Variants in ADAMTS9 observed in about 807,000 individuals in gnomAD.
ADAMTS9 encodes A disintegrin and metalloproteinase with thrombospondin motifs 9.
Under a neutral mutation model 257.1 loss-of-function variants are expected in ADAMTS9, and 107 were observed. The ratio of observed to expected loss-of-function variants is 0.42; its 90% CI spans 0.36 to 0.49. The LOEUF is 0.49. Among genes scored for constraint, ADAMTS9 ranks in the 20% least tolerant of loss-of-function variants. The pLI is 0.03. For missense variants in ADAMTS9, 2,353 were observed against 2,469.1 expected, an observed-to-expected ratio of 0.95 and a Z score of 1.00; for synonymous variants, 982 against 880.9, an observed-to-expected ratio of 1.11 and a Z score of -2.03.
intron 12 of ADAMTS9, among the ~76,000 whole-genome samples, chr3:64,639,615 A>T (rs956837559): frequency 2.0e-5 from 3 of 152,182 alleles, no homozygotes; most frequent in Non-Finnish European, 2.9e-5. Context: ...TGAGTCAAAA[A>T]TGTTTAAAGT....
At chr3:64,556,552 G>T (rs1238993933) in intron 30 of ADAMTS9, among the ~76,000 whole-genome samples, 2 of 152,090 alleles carry the variant, frequency 1.3e-5, no homozygotes, top group Admixed American at 1.3e-4. Context: ...AAACTCTGGG[G>T]CTCAATGATC....
intron 3 of ADAMTS9, among the ~76,000 whole-genome samples, chr3:64,659,714 ATAAAT>A (rs1014767396): frequency 4.7e-4 from 71 of 152,200 alleles, no homozygotes; most frequent in Admixed American, 3.3e-4. Flanking sequence ...AGTTAAGGAA[ATAAAT>A]TAAACTCCGA....
At chr3:64,676,686 G>T (rs553883352) in intron 3 of ADAMTS9, among the ~76,000 whole-genome samples, 1 of 152,112 alleles carries the variant, frequency 6.6e-6, no homozygotes, top group African/African-American at 2.4e-5. Flanking sequence ...TCCTCCCAAA[G>T]GGCACTTAGG....
In ADAMTS9 at chr3:64,541,176, G is replaced by C; in HGVS notation, c.5440C>G (p.Gln1814Glu). The change falls in exon 36 of 40, where the codon CAA becomes GAA. Residue 1814 changes from glutamine to glutamate, a missense_variant. Physicochemically the swap from Gln to Glu is conservative, Grantham distance 29. Coordinates refer to ENST00000498707, the MANE Select transcript of ADAMTS9 (RefSeq NM_182920.2). The stretch of plus-strand genomic sequence containing the variant: ...GCGGCCGTGTAATCCTTCCGACATT[G>C]GCAGTCATCGCGCCGGCTCCCGTTA... ...PYNGSRRDDC[Q>E]CRKDYTAAGF... The C allele has an allele frequency of 6.2e-7, 1 of 1,614,174 alleles. No individual in the cohort carries two copies. Among genetic ancestry groups the C allele is most frequent in the Non-Finnish European group, 8.5e-7 (1 of 1,180,020 alleles).
intron 12 of ADAMTS9, among the ~76,000 whole-genome samples, chr3:64,636,504 T>A (rs1038958582): frequency 2.6e-5 from 4 of 152,214 alleles, no homozygotes; most frequent in Non-Finnish European, 4.4e-5. Flanking sequence ...ACTAGATTAA[T>A]ACATTCAAAG....
intron 28 of ADAMTS9, among the ~76,000 whole-genome samples, chr3:64,578,092 C>T (rs60631298): frequency 0.034 from 5,134 of 152,220 alleles, 275 homozygotes; most frequent in East Asian, 0.25. Context: ...GATTTGCATA[C>T]GTGTCTGAGC....
chr3:64,601,315 CTG>C (rs908867499), intron 26 of ADAMTS9, among the ~76,000 whole-genome samples: 1 of 152,130 alleles, frequency 6.6e-6, no homozygotes, highest in Non-Finnish European at 1.5e-5. Context: ...GATAAGAAAA[CTG>C]AGGCTCAAAG....
intron 38 of ADAMTS9, among the ~76,000 whole-genome samples, chr3:64,527,658 T>G (rs986565294): frequency 6.6e-6 from 1 of 151,334 alleles, no homozygotes; most frequent in Non-Finnish European, 1.5e-5. Flanking sequence ...GCATATAGGG[T>G]TTTTTTTTCT....
rs144490037 is a variant in ADAMTS9 at position 64,555,963 on chromosome 3, T to C, written c.4699-4901A>G. Reference sequence around the variant, plus strand: ...ACGCTGGTTGAATAAATTAATAAAATGAGCAATAAAGAGTTCGTATCTGGC... The same window carrying C: ...ACGCTGGTTGAATAAATTAATAAAACGAGCAATAAAGAGTTCGTATCTGGC... On this transcript the variant is annotated intron_variant, in intron 30 of 39. Coordinates refer to ENST00000498707, the MANE Select transcript of ADAMTS9 (RefSeq NM_182920.2). Among the ~76,000 whole-genome samples, 1,067 of 152,302 alleles carry C rather than the reference T, an allele frequency of 7.0e-3. 11 individuals carry two copies. Among genetic ancestry groups the C allele is most frequent in the African/African-American group, 0.024 (992 of 41,558 alleles).
At chr3:64,627,519 G>C (rs1364287300) in intron 16 of ADAMTS9, among the ~76,000 whole-genome samples, 1 of 152,120 alleles carries the variant, frequency 6.6e-6, no homozygotes, top group Non-Finnish European at 1.5e-5. Context: ...AAAGAGATAC[G>C]AACATGGTGG....
chr3:64,573,903 C>T (rs1364846875), intron 28 of ADAMTS9, among the ~76,000 whole-genome samples: 1 of 152,154 alleles, frequency 6.6e-6, no homozygotes, highest in Non-Finnish European at 1.5e-5. Flanking sequence ...TCAAACATTG[C>T]TCAGTGGAAG....
intron 26 of ADAMTS9, among the ~76,000 whole-genome samples, chr3:64,600,733 G>T (rs535224137): frequency 1.3e-5 from 2 of 152,316 alleles, no homozygotes; most frequent in East Asian, 3.9e-4. Context: ...GATAGCGAGG[G>T]TCTTGGGCAA....
Position 64,545,547 on chromosome 3 carries a change from G to A in ADAMTS9, c.5064+1211C>T, listed in dbSNP as rs371125006. ...ACTGCATGTTCTCACTCATAGGTGG[G>A]AACTGAACAATGAGAACACTTGGAC... On this transcript the variant is annotated intron_variant, in intron 32 of 39. Transcript: ENST00000498707. 7.2e-5 allele frequency among the ~76,000 whole-genome samples: 11 copies of A among 152,186 alleles called. No individual in the cohort carries two copies. In the South Asian group the frequency reaches 1.0e-3, roughly 14 times the overall value.
chr3:64,577,935 C>G (rs903528973), intron 28 of ADAMTS9, among the ~76,000 whole-genome samples: 4 of 152,218 alleles, frequency 2.6e-5, no homozygotes, highest in African/African-American at 4.8e-5. Context: ...CTGTCTGGCC[C>G]TTCTTCTGTA....
At chr3:64,613,583 G>C (rs2084707355) in intron 21 of ADAMTS9, 74 bp from the exon 22 acceptor site, 2 of 1,455,904 alleles carry the variant, frequency 1.4e-6, no homozygotes, top group Non-Finnish European at 1.9e-6. Flanking sequence ...ATTTATTGAT[G>C]AGTAGGAACA....
At chr3:64,537,535 C>A (rs2083066260) in intron 37 of ADAMTS9, among the ~76,000 whole-genome samples, 1 of 152,148 alleles carries the variant, frequency 6.6e-6, no homozygotes. Context: ...GCTTCCTCTC[C>A]ACTTCTCTAA....
chr3:64,544,370 C>CA (rs2083168914), intron 32 of ADAMTS9, among the ~76,000 whole-genome samples: 1 of 152,116 alleles, frequency 6.6e-6, no homozygotes, highest in Non-Finnish European at 1.5e-5. Flanking sequence ...CACTATACTA[C>CA]AGGCTACAGT....
intron 15 of ADAMTS9, 117 bp from the exon 16 acceptor site, chr3:64,631,667 T>A (rs1000822537): frequency 5.2e-5 from 61 of 1,168,376 alleles, no homozygotes; most frequent in Non-Finnish European, 6.4e-5. Flanking sequence ...TTCTATTAGG[T>A]GCCTTCTAGT....
intron 21 of ADAMTS9, among the ~76,000 whole-genome samples, chr3:64,613,984 C>G (rs1327802543): frequency 6.6e-6 from 1 of 152,010 alleles, no homozygotes; most frequent in Non-Finnish European, 1.5e-5. Flanking sequence ...TAATAAATGC[C>G]AAATGTAATC....
Sources: gnomAD v4.1 joint callset for allele counts (sites outside exome capture counted in the v4.1 genomes callset) on GRCh38, gnomAD v4.1.1 for gene constraint, MANE v1.5 for transcripts, NCBI Gene and HGNC (gene_info 2026-07-23, HGNC 2026-07-21) for gene names.